Variants in HDX observed in about 807,000 individuals in gnomAD.
HDX encodes chromosome X open reading frame 43.
A neutral mutation model predicts 45.2 loss-of-function variants in HDX; 19 were observed. That is an observed-to-expected ratio of 0.42 (90% CI 0.29 to 0.62). The LOEUF (loss-of-function observed/expected upper bound fraction) is 0.62, where lower values mean the gene tolerates loss of function less well. HDX is among the 20% of genes least tolerant of loss of function. The pLI, the probability that HDX is intolerant of heterozygous loss-of-function variation, is 0.20. For synonymous variants in HDX, 188 were observed against 172.8 expected (o/e 1.09, Z -0.69); for missense variants, 532 against 493.9 (o/e 1.08, Z -0.73).
chrX:84,406,788 A>G (rs990882765), intron 5 of HDX, among the ~76,000 whole-genome samples: 3 of 110,955 alleles, frequency 2.7e-5, no homozygotes, highest in Admixed American at 1.9e-4. Flanking sequence ...CTTTCTTACT[A>G]TATGTCAGGT....
chrX:84,445,954 A>G (rs2039862913), intron 4 of HDX, among the ~76,000 whole-genome samples: 1 of 111,646 alleles, frequency 9.0e-6, no homozygotes, highest in African/African-American at 3.2e-5. Context: ...AAACTACAAG[A>G]AATTAAAATC....
At chrX:84,371,137 A>G (rs2037884689) in intron 5 of HDX, among the ~76,000 whole-genome samples, 1 of 112,014 alleles carries the variant, frequency 8.9e-6, no homozygotes, top group Non-Finnish European at 1.9e-5. Flanking sequence ...ATAGAAGCTG[A>G]AAATTTTCTC....
rs1453422077 is a variant in HDX, at chrX:84,475,358, T to C, written c.40A>G (p.Ile14Val). ...RSVFTVEQQRILQRYYENGMT... is the reference protein window; with the variant it reads ...RSVFTVEQQRVLQRYYENGMT... ...CCATTTTCATAATAACGCTGTAAAATCCTTTGTTGTTCTACAGTAAATACA... is the reference window on the plus strand; with the variant it reads ...CCATTTTCATAATAACGCTGTAAAACCCTTTGTTGTTCTACAGTAAATACA... The change falls in exon 3 of 11, where the codon ATT (isoleucine) becomes GTT (valine). Residue 14 changes from isoleucine to valine, a missense_variant. By Grantham distance (29) the Ile-to-Val change is conservative. Coordinates refer to ENST00000373177, the MANE Select transcript of HDX (RefSeq NM_001177479.2). 2 of 1,153,203 alleles carry C rather than the reference T, an allele frequency of 1.7e-6. No individual in the cohort carries two copies. The highest frequency in any genetic ancestry group is 2.4e-6 in the Non-Finnish European group (2 of 850,585).
intron 5 of HDX, among the ~76,000 whole-genome samples, chrX:84,422,890 G>A (rs886858413): frequency 2.8e-5 from 3 of 109,070 alleles, no homozygotes; most frequent in Non-Finnish European, 3.8e-5. Flanking sequence ...GGATGGTCTC[G>A]ATCTCCTGAC....
intron 4 of HDX, among the ~76,000 whole-genome samples, chrX:84,448,953 A>T (rs889729590): frequency 5.5e-5 from 6 of 109,773 alleles, no homozygotes; most frequent in Admixed American, 9.8e-5. Context: ...GATATCATTT[A>T]AAAAAGAAAT....
At chrX:84,385,837 GTTTTT>G (rs764533335) in intron 5 of HDX, among the ~76,000 whole-genome samples, 1 of 73,461 alleles carries the variant, frequency 1.4e-5, no homozygotes, top group Non-Finnish European at 2.6e-5. Context: ...TACTTGAATG[GTTTTT>G]TTTTTTTTTT....
chrX:84,410,603 C>T (rs1381005786), intron 5 of HDX, among the ~76,000 whole-genome samples: 1 of 111,560 alleles, frequency 9.0e-6, no homozygotes, highest in Non-Finnish European at 1.9e-5. Flanking sequence ...GTATGTTCAT[C>T]AAGGATATTG....
chrX:84,415,935 A>T, intron 5 of HDX, among the ~76,000 whole-genome samples: 1 of 112,253 alleles, frequency 8.9e-6, no homozygotes, highest in Non-Finnish European at 1.9e-5. Context: ...GATGTTCATA[A>T]CTAGGCCACA....
At chrX:84,459,541 A>C (rs1170669781) in intron 4 of HDX, among the ~76,000 whole-genome samples, 1 of 111,854 alleles carries the variant, frequency 8.9e-6, no homozygotes, top group African/African-American at 3.2e-5. Context: ...GGGATATAGC[A>C]AAAGCAGTAT....
Position 84,446,863 on chromosome X carries a change from G to C in HDX, c.1252-6278C>G, listed in dbSNP as rs753035572. On this transcript the variant is annotated intron_variant, in intron 4 of 10. Coordinates refer to ENST00000373177, the MANE Select transcript of HDX (RefSeq NM_001177479.2). ...CAGGGCACAGTTTGGGGGAAGTGTG[G>C]TGGCCTGATCCCCAGTCTCTTCTGT... Among the ~76,000 whole-genome samples the C allele has an allele frequency of 8.3e-4, 93 of 112,147 alleles. 1 individual carries two copies. The highest frequency in any genetic ancestry group is 2.6e-3 in the African/African-American group (81 of 30,891).
intron 5 of HDX, among the ~76,000 whole-genome samples, chrX:84,432,386 G>A (rs962857313): frequency 2.7e-5 from 3 of 111,856 alleles, no homozygotes; most frequent in Middle Eastern, 4.2e-3. Flanking sequence ...TCATAGGTTT[G>A]ATCAGAATAG....
At chrX:84,392,920 G>C (rs1469636419) in intron 5 of HDX, among the ~76,000 whole-genome samples, 2 of 109,846 alleles carry the variant, frequency 1.8e-5, no homozygotes. Flanking sequence ...CTAGATATAA[G>C]ATCATATAAT....
rs2036757215 is a variant in HDX at position 84,328,090 on chromosome X, T to C, written c.1825-1790A>G. ...ACATCAGTCTCCCAAAGTGTTGGTA[T>C]TACGGGGATGCATTATTGTGCCTAG... On this transcript the variant is annotated intron_variant, in intron 9 of 10. Transcript: ENST00000373177. Among the ~76,000 whole-genome samples the C allele has an allele frequency of 3.6e-5, 4 of 111,401 alleles. No homozygotes were observed. The South Asian group carries it at 1.5e-3, about 42-fold the overall frequency.
intron 1 of HDX, among the ~76,000 whole-genome samples, chrX:84,489,434 C>A (rs181545670): frequency 9.0e-6 from 1 of 111,312 alleles, no homozygotes; most frequent in East Asian, 2.8e-4. Context: ...ACAGAGCAAG[C>A]GGGGTTTTGG....
chrX:84,406,895 G>GTATT (rs2038842800), intron 5 of HDX, among the ~76,000 whole-genome samples: 1 of 109,897 alleles, frequency 9.1e-6, no homozygotes, highest in Non-Finnish European at 1.9e-5. Flanking sequence ...TTTCCCAAAA[G>GTATT]TATTTATATC....
chrX:84,371,288 A>C (rs1159342508), intron 5 of HDX, among the ~76,000 whole-genome samples: 3 of 111,981 alleles, frequency 2.7e-5, no homozygotes, highest in Admixed American at 1.9e-4. Context: ...TACCCACCTC[A>C]GAGGATTGCT....
At chrX:84,435,490 A>T (rs2148046392) in intron 5 of HDX, among the ~76,000 whole-genome samples, 1 of 109,194 alleles carries the variant, frequency 9.2e-6, no homozygotes, top group South Asian at 4.0e-4. Context: ...GGTTGCGAAA[A>T]TTTTCTCCCA....
chrX:84,362,721 C>T (rs2037651975), intron 5 of HDX, among the ~76,000 whole-genome samples: 1 of 111,027 alleles, frequency 9.0e-6, no homozygotes, highest in South Asian at 3.8e-4. Context: ...TCAAATACTC[C>T]TTAGACATAC....
intron 4 of HDX, among the ~76,000 whole-genome samples, chrX:84,446,749 G>T (rs1353692982): frequency 2.7e-5 from 3 of 112,033 alleles, no homozygotes; most frequent in Non-Finnish European, 5.6e-5. Flanking sequence ...GCAACCAATT[G>T]AGTGTACAAT....
Sources: gnomAD v4.1 joint callset for allele counts (sites outside exome capture counted in the v4.1 genomes callset) on GRCh38, gnomAD v4.1.1 for gene constraint, MANE v1.5 for transcripts, NCBI Gene and HGNC (gene_info 2026-07-23, HGNC 2026-07-21) for gene names.